Variants in PAX7 observed in about 807,000 individuals in gnomAD.
PAX7 encodes paired box protein Pax-7.
A neutral mutation model predicts 50.7 loss-of-function variants in PAX7; 18 were observed. The observed-to-expected ratio is 0.36, with a 90% CI of 0.25 to 0.53. PAX7 has a LOEUF of 0.53. PAX7 is among the 20% of genes least tolerant of loss of function. PAX7 has a pLI of 0.93. For missense variants in PAX7, 644 were observed against 702.9 expected, an observed-to-expected ratio of 0.92 and a Z score of 0.95; for synonymous variants, 310 against 290.4, an observed-to-expected ratio of 1.07 and a Z score of -0.69.
chr1:18,687,249 T>C (rs978845206), intron 4 of PAX7, among the ~76,000 whole-genome samples: 1 of 151,838 alleles, frequency 6.6e-6, no homozygotes, highest in African/African-American at 2.4e-5. Context: ...CATACAAGGG[T>C]GTATTGTTAT....
Position 18,690,192 on chromosome 1 carries a change from G to A in PAX7, c.587-1562G>A, listed in dbSNP as rs181334434. Among the ~76,000 whole-genome samples, 366 of 152,246 alleles carry A rather than the reference G, an allele frequency of 2.4e-3. 3 individuals carry two copies. In the South Asian group the frequency reaches 0.029, roughly 12 times the overall value. The stretch of plus-strand genomic sequence containing the variant: ...ATACTCAATAAATGCTTTAGGGGAA[G>A]GAGTGAATGAGTCAATGACAAAAAA... On this transcript the variant is annotated intron_variant, in intron 4 of 8. Transcript: ENST00000420770.
chr1:18,696,588 G>A (rs755230483), intron 5 of PAX7, among the ~76,000 whole-genome samples: 2 of 152,288 alleles, frequency 1.3e-5, no homozygotes, highest in East Asian at 1.9e-4. Context: ...AGATCCTGTC[G>A]TTTGCAACAA....
At chr1:18,639,242 T>C (rs1321980533) in intron 4 of PAX7, among the ~76,000 whole-genome samples, 2 of 152,224 alleles carry the variant, frequency 1.3e-5, no homozygotes, top group East Asian at 3.9e-4. Context: ...AAACTATTTA[T>C]CCGCAATCAG....
At chr1:18,652,143 C>T (rs2088442358) in intron 4 of PAX7, among the ~76,000 whole-genome samples, 1 of 151,722 alleles carries the variant, frequency 6.6e-6, no homozygotes, top group African/African-American at 2.4e-5. Flanking sequence ...GAATCACATT[C>T]CAGAGTGGGG....
At chr1:18,707,161 C>A (rs111809969) in intron 7 of PAX7, among the ~76,000 whole-genome samples, 1,949 of 152,292 alleles carry the variant, frequency 0.013, 54 homozygotes, top group African/African-American at 0.044. Flanking sequence ...GAGAGGAAGA[C>A]CCTTATATTG....
intron 7 of PAX7, among the ~76,000 whole-genome samples, chr1:18,723,868 C>G (rs181897735): frequency 2.6e-4 from 39 of 152,328 alleles, no homozygotes; most frequent in Non-Finnish European, 4.7e-4. Context: ...TGGAGCAGAG[C>G]ATTCCGGTCC....
At chr1:18,639,251 A>T (rs948687632) in intron 4 of PAX7, among the ~76,000 whole-genome samples, 2 of 152,240 alleles carry the variant, frequency 1.3e-5, no homozygotes, top group East Asian at 3.8e-4. Flanking sequence ...ATCCGCAATC[A>T]GTTCTCACTC....
intron 4 of PAX7, among the ~76,000 whole-genome samples, chr1:18,689,731 A>G (rs141374438): frequency 0.019 from 2,887 of 152,340 alleles, 40 homozygotes; most frequent in Non-Finnish European, 0.031. Context: ...CTTCCTGGCT[A>G]TGAATGTGGC....
chr1:18,684,636 C>T (rs1015181074), intron 4 of PAX7, among the ~76,000 whole-genome samples: 9 of 152,232 alleles, frequency 5.9e-5, no homozygotes, highest in South Asian at 2.1e-4. Context: ...CTGAGACCTG[C>T]GCCCAGGCCT....
rs113274743 is a variant in PAX7, at chr1:18,660,543, C to G, written c.586+24172C>G. ...AAGAAATCTGCCTCCCTTCCACGCC[C>G]CAAGATGAGCATTACTATTTCATGG... is the stretch of plus-strand genomic sequence containing the variant. On this transcript the variant is annotated intron_variant, in intron 4 of 8. Transcript: ENST00000420770. Among the ~76,000 whole-genome samples the G allele has an allele frequency of 1.9e-3, 293 of 152,222 alleles. 3 individuals are homozygous for G. The highest frequency in any genetic ancestry group is 6.7e-3 in the African/African-American group (278 of 41,534).
rs1211661101 is a variant in PAX7 at position 18,631,010 on chromosome 1, G to A, written c.-594G>A. ...TCTCCTAGGGGACGGGGCTGTGAAA[G>A]CTGGTGTGGAGGGAGAAGCGAGTGT... On this transcript the variant is annotated 5_prime_UTR_variant, in exon 1 of 9. Coordinates refer to ENST00000420770, the MANE Select transcript of PAX7 (RefSeq NM_001135254.2). 4.4e-6 allele frequency: 1 copy of A among 225,266 alleles called. No homozygotes were observed. Among genetic ancestry groups the A allele is most frequent in the Non-Finnish European group, 8.9e-6 (1 of 112,992 alleles). The allele number at this position is 225,266 out of a possible 1,614,324, so 14.0% of individuals were successfully genotyped here.
At chr1:18,684,851 G>A (rs2088952493) in intron 4 of PAX7, among the ~76,000 whole-genome samples, 1 of 152,144 alleles carries the variant, frequency 6.6e-6, no homozygotes, top group Non-Finnish European at 1.5e-5. Flanking sequence ...GTTTCCGGAG[G>A]GTGTGAGGGA....
chr1:18,714,242 C>T (rs1297108783), intron 7 of PAX7, among the ~76,000 whole-genome samples: 1 of 85,148 alleles, frequency 1.2e-5, no homozygotes. Flanking sequence ...AATAAATATA[C>T]AAAAACAAAT....
chr1:18,707,411 CTTTCTT>C (rs1469069807), intron 7 of PAX7, among the ~76,000 whole-genome samples: 1,489 of 91,156 alleles, frequency 0.016, 27 homozygotes, highest in African/African-American at 0.054. Flanking sequence ...TTCTTTTTTT[CTTTCTT>C]TTTTTTTTTT....
chr1:18,716,914 G>A (rs939938500), intron 7 of PAX7, among the ~76,000 whole-genome samples: 21 of 151,970 alleles, frequency 1.4e-4, no homozygotes, highest in Admixed American at 5.2e-4. Context: ...GGTGGGCTCC[G>A]AGGCAGGGAC....
intron 4 of PAX7, among the ~76,000 whole-genome samples, chr1:18,681,000 T>C (rs559752321): frequency 2.7e-3 from 415 of 151,870 alleles, no homozygotes; most frequent in African/African-American, 9.6e-3. Context: ...AAACCCACTC[T>C]CTACTAAAAA....
At chr1:18,682,472 G>A (rs917336471) in intron 4 of PAX7, among the ~76,000 whole-genome samples, 7 of 152,194 alleles carry the variant, frequency 4.6e-5, no homozygotes, top group Admixed American at 2.6e-4. Context: ...CCTTCGAGAA[G>A]AAGCAAGAAG....
At chr1:18,738,771 C>G (rs993170000) in intron 8 of PAX7, among the ~76,000 whole-genome samples, 16 of 152,262 alleles carry the variant, frequency 1.1e-4, no homozygotes, top group African/African-American at 3.6e-4. Flanking sequence ...GAGGAAAAGC[C>G]CCCTCCTCTG....
intron 7 of PAX7, among the ~76,000 whole-genome samples, chr1:18,710,271 C>A (rs2089333950): frequency 6.6e-6 from 1 of 152,130 alleles, no homozygotes; most frequent in Admixed American, 6.5e-5. Context: ...GACCCAGGAA[C>A]CTCACCACCA....
Sources: gnomAD v4.1 joint callset for allele counts (sites outside exome capture counted in the v4.1 genomes callset) on GRCh38, gnomAD v4.1.1 for gene constraint, MANE v1.5 for transcripts, NCBI Gene and HGNC (gene_info 2026-07-23, HGNC 2026-07-21) for gene names.